The following ARHGAP15 variants were observed in gnomAD, a reference collection of about 807,000 sequenced individuals.
ARHGAP15 encodes the protein Rho GTPase activating protein 15.
ARHGAP15 carries 51 observed loss-of-function variants against 63.7 expected under a neutral mutation model. That is an observed-to-expected ratio of 0.80 (90% CI 0.64 to 1.01). The LOEUF (loss-of-function observed/expected upper bound fraction) is 1.01. Among genes scored for constraint, ARHGAP15 ranks in the 50% least tolerant of loss-of-function variants. The pLI is 0.00. For synonymous variants in ARHGAP15, 191 were observed against 193.8 expected (o/e 0.99, Z 0.12); for missense variants, 560 against 564.6 (o/e 0.99, Z 0.08).
At position 143,664,339 on chromosome 2, in the gene ARHGAP15, G is replaced by A. The variant is rs1199290266; in HGVS notation, c.1139-39080G>A. 3.7e-3 allele frequency among the ~76,000 whole-genome samples: 563 copies of A among 151,256 alleles called. 3 individuals carry two copies. Among genetic ancestry groups the A allele is most frequent in the Non-Finnish European group, 3.8e-3 (255 of 67,508 alleles). On this transcript the variant is annotated intron_variant, in intron 12 of 13. Transcript: ENST00000295095. ...ACTACTGGATACATAACGAAATGAA[G>A]GCAGAAATAAAGATGTTCTTTGAAA...
chr2:143,634,103 C>A (rs1201283566), intron 12 of ARHGAP15, among the ~76,000 whole-genome samples: 2 of 152,158 alleles, frequency 1.3e-5, no homozygotes, highest in Non-Finnish European at 2.9e-5. Context: ...TGGTCACCCA[C>A]AAGGTCTCCA....
intron 13 of ARHGAP15, among the ~76,000 whole-genome samples, chr2:143,705,976 A>G (rs73961844): frequency 3.7e-4 from 57 of 152,318 alleles, no homozygotes; most frequent in African/African-American, 1.3e-3. Context: ...AGAGATGGAA[A>G]TAGATGTTTT....
rs1682021318 is a variant in ARHGAP15, at chr2:143,284,927, T to C, written c.474+34327T>C. On this transcript the variant is annotated intron_variant, in intron 6 of 13. Transcript: ENST00000295095. ...TGTCTCAAATTCTTACTTTGTTCTGTTTTTTTGAAAGACAATGTACATTTG... is the reference window on the plus strand; with the variant it reads ...TGTCTCAAATTCTTACTTTGTTCTGCTTTTTTGAAAGACAATGTACATTTG... 2.0e-5 allele frequency among the ~76,000 whole-genome samples: 3 copies of C among 152,146 alleles called. 1 individual carries two copies. Among genetic ancestry groups the C allele is most frequent in the Non-Finnish European group, 4.4e-5 (3 of 68,014 alleles).
intron 6 of ARHGAP15, among the ~76,000 whole-genome samples, chr2:143,271,959 A>G (rs899602948): frequency 1.3e-5 from 2 of 152,252 alleles, no homozygotes; most frequent in African/African-American, 4.8e-5. Context: ...GTGGAATTTC[A>G]AACAGTTTGT....
At chr2:143,682,497 CAT>C (rs763550028) in intron 12 of ARHGAP15, among the ~76,000 whole-genome samples, 2 of 152,090 alleles carry the variant, frequency 1.3e-5, no homozygotes, top group African/African-American at 2.4e-5. Flanking sequence ...CATATATACA[CAT>C]ATGTATGTGT....
In ARHGAP15 at chr2:143,130,132, G is replaced by A. The variant is rs1326487399; in HGVS notation, c.-15+666G>A. Among the ~76,000 whole-genome samples, 3 of 151,986 alleles carry A rather than the reference G, an allele frequency of 2.0e-5. No homozygotes were observed. The South Asian group carries it at 6.2e-4, about 32-fold the overall frequency. On this transcript the variant is annotated intron_variant, in intron 1 of 13. Coordinates refer to ENST00000295095, the MANE Select transcript of ARHGAP15 (RefSeq NM_018460.4). Reference sequence around the variant, plus strand: ...GAAGTCACAGCTGATTTCATTGAAGGTTACTCTGAGAGGAGAGGCAAATTA... The same window carrying A: ...GAAGTCACAGCTGATTTCATTGAAGATTACTCTGAGAGGAGAGGCAAATTA...
chr2:143,345,833 T>A (rs922295116), intron 6 of ARHGAP15, among the ~76,000 whole-genome samples: 1 of 152,128 alleles, frequency 6.6e-6, no homozygotes, highest in Non-Finnish European at 1.5e-5. Context: ...ATCACCATAT[T>A]ATCTTGTGTT....
intron 6 of ARHGAP15, among the ~76,000 whole-genome samples, chr2:143,318,367 C>T (rs1032663816): frequency 6.6e-5 from 10 of 151,668 alleles, no homozygotes; most frequent in African/African-American, 2.4e-4. Context: ...AGATAACAAT[C>T]CTTCCAGTGA....
intron 6 of ARHGAP15, among the ~76,000 whole-genome samples, chr2:143,325,314 G>A (rs986415030): frequency 5.3e-5 from 8 of 151,926 alleles, no homozygotes; most frequent in South Asian, 2.1e-4. Flanking sequence ...TTCAATTTCT[G>A]GTTCCAGCAA....
At chr2:143,164,686 C>T (rs993646765) in intron 2 of ARHGAP15, among the ~76,000 whole-genome samples, 1 of 151,872 alleles carries the variant, frequency 6.6e-6, no homozygotes, top group Non-Finnish European at 1.5e-5. Context: ...TCCTCTTCCT[C>T]TTGAATTTCC....
At chr2:143,531,179 A>G (rs1694510374) in intron 10 of ARHGAP15, among the ~76,000 whole-genome samples, 1 of 152,038 alleles carries the variant, frequency 6.6e-6, no homozygotes, top group Non-Finnish European at 1.5e-5. Flanking sequence ...AACTGAGGAC[A>G]TTTTACCAAA....
At chr2:143,541,763 C>T (rs1170783108) in intron 10 of ARHGAP15, among the ~76,000 whole-genome samples, 4 of 152,142 alleles carry the variant, frequency 2.6e-5, no homozygotes, top group African/African-American at 4.8e-5. Context: ...AGTACCCGGC[C>T]GTGTGAGGTG....
At chr2:143,725,695 G>C (rs1389165451) in intron 13 of ARHGAP15, among the ~76,000 whole-genome samples, 1 of 152,082 alleles carries the variant, frequency 6.6e-6, no homozygotes, top group Admixed American at 6.6e-5. Context: ...ATTTTTTAAG[G>C]ACTCATTTAA....
At chr2:143,690,500 C>A (rs1683547609) in intron 12 of ARHGAP15, among the ~76,000 whole-genome samples, 1 of 152,102 alleles carries the variant, frequency 6.6e-6, no homozygotes, top group African/African-American at 2.4e-5. Context: ...GATAACGGGC[C>A]CCAGAGGGGA....
At chr2:143,153,824 CTTCTTCTTCT>C (rs1558779304) in intron 1 of ARHGAP15, among the ~76,000 whole-genome samples, 102 of 88,206 alleles carry the variant, frequency 1.2e-3, no homozygotes, top group East Asian at 2.3e-3. Context: ...TCTTCTTCTT[CTTCTTCTTCT>C]TCTTCTTCTT....
At chr2:143,430,703 A>T (rs1326894422) in intron 6 of ARHGAP15, among the ~76,000 whole-genome samples, 1 of 152,056 alleles carries the variant, frequency 6.6e-6, no homozygotes, top group African/African-American at 2.4e-5. Context: ...GTGTATGTTG[A>T]TATAACTTTT....
intron 13 of ARHGAP15, among the ~76,000 whole-genome samples, chr2:143,719,968 T>C (rs1442312933): frequency 1.3e-5 from 2 of 152,174 alleles, no homozygotes; most frequent in Admixed American, 1.3e-4. Flanking sequence ...ATACACCCTA[T>C]AATAAGTTAG....
chr2:143,482,660 C>T (rs1692133284), intron 8 of ARHGAP15, among the ~76,000 whole-genome samples: 1 of 152,196 alleles, frequency 6.6e-6, no homozygotes, highest in Non-Finnish European at 1.5e-5. Context: ...AAAGCGTAAA[C>T]TGTTTTATAA....
intron 6 of ARHGAP15, among the ~76,000 whole-genome samples, chr2:143,390,242 T>G (rs1010259576): frequency 6.6e-6 from 1 of 152,148 alleles, no homozygotes; most frequent in Non-Finnish European, 1.5e-5. Flanking sequence ...AAACGTTACA[T>G]GGCTGGTTGC....
Sources: gnomAD v4.1 joint callset for allele counts (sites outside exome capture counted in the v4.1 genomes callset) on GRCh38, gnomAD v4.1.1 for gene constraint, MANE v1.5 for transcripts, NCBI Gene and HGNC (gene_info 2026-07-23, HGNC 2026-07-21) for gene names.